Variants in PAPPA2 observed in about 807,000 individuals in gnomAD.
The protein encoded by PAPPA2 is pappalysin-2.
PAPPA2 carries 86 observed loss-of-function variants against 176.4 expected under a neutral mutation model. That is an observed-to-expected ratio of 0.49 (90% CI 0.41 to 0.58). The LOEUF is 0.58. Among genes scored for constraint, PAPPA2 ranks in the 20% least tolerant of loss-of-function variants. The pLI is 0.00. For missense variants in PAPPA2, 2,073 were observed against 2,256.9 expected (o/e 0.92, Z 1.65); for synonymous variants, 809 against 852.2 (o/e 0.95, Z 0.88).
intron 21 of PAPPA2, among the ~76,000 whole-genome samples, chr1:176,823,453 C>T (rs1424848477): frequency 6.6e-6 from 1 of 152,114 alleles, no homozygotes; most frequent in Non-Finnish European, 1.5e-5. Context: ...ATTCTGCAGC[C>T]AGTGTTGATC....
At chr1:176,567,199 A>G (rs1195321942) in intron 2 of PAPPA2, among the ~76,000 whole-genome samples, 1 of 152,226 alleles carries the variant, frequency 6.6e-6, no homozygotes, top group Non-Finnish European at 1.5e-5. Context: ...ACATCCAGTA[A>G]AGAAAACTCA....
At chr1:176,785,177 A>T (rs542656677) in intron 17 of PAPPA2, among the ~76,000 whole-genome samples, 2 of 152,186 alleles carry the variant, frequency 1.3e-5, no homozygotes, top group Non-Finnish European at 2.9e-5. Context: ...GGGACTAGGA[A>T]GAATCCAGAA....
At chr1:176,681,649 G>A (rs1434169294) in intron 4 of PAPPA2, among the ~76,000 whole-genome samples, 2 of 152,146 alleles carry the variant, frequency 1.3e-5, no homozygotes, top group African/African-American at 4.8e-5. Flanking sequence ...CAAATATGGT[G>A]TATCTGTGGT....
At chr1:176,553,127 G>C (rs1651062539) in intron 1 of PAPPA2, among the ~76,000 whole-genome samples, 1 of 151,998 alleles carries the variant, frequency 6.6e-6, no homozygotes. Flanking sequence ...GGAGGGGGTT[G>C]CTGTGTTTTT....
chr1:176,585,396 G>A (rs963083412), intron 2 of PAPPA2, among the ~76,000 whole-genome samples: 2 of 151,840 alleles, frequency 1.3e-5, no homozygotes, highest in African/African-American at 2.4e-5. Context: ...ATGTGACTTG[G>A]TATTATATTT....
At chr1:176,828,622 A>C (rs1666950183) in intron 21 of PAPPA2, among the ~76,000 whole-genome samples, 1 of 152,172 alleles carries the variant, frequency 6.6e-6, no homozygotes, top group African/African-American at 2.4e-5. Flanking sequence ...ATACATACGG[A>C]TATATGTATA....
chr1:176,615,940 G>A (rs537516407), intron 3 of PAPPA2, among the ~76,000 whole-genome samples: 5 of 152,294 alleles, frequency 3.3e-5, no homozygotes, highest in Admixed American at 2.6e-4. Flanking sequence ...AATTTCTTAT[G>A]TATCGATAAG....
chr1:176,723,479 G>GT lies in PAPPA2; in HGVS notation c.3798+11509dup, dbSNP rs11343754. The stretch of plus-strand genomic sequence containing the variant: ...TGATTTTTAAAGATAAGGTGGTTAG[G>GT]TTTTTTTTTTTAAACCTTTCAGAGA... On this transcript the variant is annotated intron_variant, in intron 12 of 22. Coordinates refer to ENST00000367662, the MANE Select transcript of PAPPA2 (RefSeq NM_020318.3). Among the ~76,000 whole-genome samples the GT allele has an allele frequency of 4.8e-4, 73 of 150,518 alleles. 1 individual carries two copies. Among genetic ancestry groups the GT allele is most frequent in the Non-Finnish European group, 9.5e-4 (64 of 67,520 alleles).
At position 176,699,177 on chromosome 1, in the gene PAPPA2, A is replaced by T. The variant is rs1375004300; in HGVS notation, c.2824A>T (p.Met942Leu). ...SPEVHLYHMN[M>L]TVPCPTEGCS... is the part of the protein sequence containing the mutation. ...TGAGGTCCACCTGTACCACATGAAC[A>T]TGACGGTCCCCTGCCCCACAGAAGG... Residue 942 changes from methionine to leucine, a missense_variant, in exon 8 of 23, where the codon ATG (methionine) becomes TTG (leucine). Met to Leu is a conservative substitution (Grantham distance 15). This residue lies in a region of PAPPA2 where 1,196 missense variants were observed against 1,330.4 expected (regional missense o/e 0.90). Coordinates refer to ENST00000367662, the MANE Select transcript of PAPPA2 (RefSeq NM_020318.3). The T allele has an allele frequency of 3.1e-6, 5 of 1,613,982 alleles. No individual in the cohort carries two copies. Among genetic ancestry groups the T allele is most frequent in the Non-Finnish European group, 4.2e-6 (5 of 1,180,024 alleles).
intron 1 of PAPPA2, among the ~76,000 whole-genome samples, chr1:176,470,189 G>C (rs1651808130): frequency 6.6e-6 from 1 of 152,240 alleles, no homozygotes; most frequent in Admixed American, 6.5e-5. Context: ...GAAGGTCCAG[G>C]GTTTACTGGT....
intron 1 of PAPPA2, among the ~76,000 whole-genome samples, chr1:176,505,666 C>T (rs1648217285): frequency 6.6e-6 from 1 of 151,770 alleles, no homozygotes; most frequent in African/African-American, 2.4e-5. Flanking sequence ...GGAACAGCAA[C>T]AACAACAACA....
At chr1:176,826,708 A>AT (rs1461968274) in intron 21 of PAPPA2, among the ~76,000 whole-genome samples, 2 of 152,232 alleles carry the variant, frequency 1.3e-5, no homozygotes, top group African/African-American at 4.8e-5. Flanking sequence ...CCCTCTTGCC[A>AT]TTTTTCAGGT....
At chr1:176,484,112 C>G (rs960322504) in intron 1 of PAPPA2, among the ~76,000 whole-genome samples, 1 of 152,218 alleles carries the variant, frequency 6.6e-6, no homozygotes, top group Non-Finnish European at 1.5e-5. Flanking sequence ...GGCATTGTCT[C>G]CTGACTAGAT....
chr1:176,569,644 A>T (rs1652202749), intron 2 of PAPPA2, among the ~76,000 whole-genome samples: 1 of 152,200 alleles, frequency 6.6e-6, no homozygotes, highest in South Asian at 2.1e-4. Context: ...AGTCATTTCT[A>T]TTCTAGGCTA....
At chr1:176,691,114 C>T in intron 5 of PAPPA2, 2 of 985,164 alleles carry the variant, frequency 2.0e-6, no homozygotes, top group Non-Finnish European at 1.2e-6. Flanking sequence ...TCTCTCACGC[C>T]TTCCTTGTTT....
intron 1 of PAPPA2, among the ~76,000 whole-genome samples, chr1:176,496,548 C>G (rs921917896): frequency 6.6e-6 from 1 of 152,106 alleles, no homozygotes. Context: ...GCCTGTTTCT[C>G]ATTCTGGGCA....
At chr1:176,552,809 G>A (rs184815919) in intron 1 of PAPPA2, among the ~76,000 whole-genome samples, 3 of 152,232 alleles carry the variant, frequency 2.0e-5, no homozygotes, top group African/African-American at 7.2e-5. Flanking sequence ...TGCTCAGTCT[G>A]ATCGCCACAG....
chr1:176,666,561 ATGTGTGTGTGTGTGTGTGTG>A (rs139660279), intron 3 of PAPPA2, among the ~76,000 whole-genome samples: 4 of 109,530 alleles, frequency 3.7e-5, no homozygotes, highest in East Asian at 2.8e-4. Context: ...GTAAATATAT[ATGTGTGTGTGTGTGTGTGTG>A]TGTGTGTGTG....
intron 1 of PAPPA2, among the ~76,000 whole-genome samples, chr1:176,472,767 G>T (rs1258429586): frequency 6.6e-6 from 1 of 152,018 alleles, no homozygotes; most frequent in African/African-American, 2.4e-5. Flanking sequence ...AATATTAGTA[G>T]TACTACCACC....
Sources: allele counts gnomAD v4.1 joint callset (sites outside exome capture counted in the v4.1 genomes callset), GRCh38; gene constraint gnomAD v4.1.1; regional missense constraint gnomAD v4.1.1; transcripts MANE v1.5; gene names NCBI Gene and HGNC (gene_info 2026-07-23, HGNC 2026-07-21).